The following RBMS3 variants were observed in gnomAD, a reference collection of about 807,000 sequenced individuals.
The protein encoded by RBMS3 is RNA-binding motif, single-stranded-interacting protein 3.
A neutral mutation model predicts 66.8 loss-of-function variants in RBMS3; 27 were observed. The ratio of observed to expected loss-of-function variants is 0.40; its 90% CI spans 0.30 to 0.56. RBMS3 has a LOEUF of 0.56. Ranked by LOEUF, RBMS3 falls within the 20% of genes least tolerant of loss-of-function variation. RBMS3 has a pLI of 0.40. For missense variants in RBMS3, 513 were observed against 549.5 expected (o/e 0.93, Z 0.66); for synonymous variants, 188 against 183.0 (o/e 1.03, Z -0.22).
At chr3:29,694,657 T>C (rs1427310378) in intron 4 of RBMS3, among the ~76,000 whole-genome samples, 2 of 152,152 alleles carry the variant, frequency 1.3e-5, no homozygotes, top group South Asian at 2.1e-4. Context: ...TCTGAATTTC[T>C]AGGTATTTCA....
intron 4 of RBMS3, among the ~76,000 whole-genome samples, chr3:29,736,685 T>G (rs1345303602): frequency 6.6e-6 from 1 of 152,184 alleles, no homozygotes; most frequent in Non-Finnish European, 1.5e-5. Context: ...CTTGTATAAC[T>G]TGAGTAGTTC....
At chr3:29,281,803 A>C (rs1333926296) in intron 1 of RBMS3, 47 bp downstream of exon 1, 2 of 1,495,474 alleles carry the variant, frequency 1.3e-6, no homozygotes, top group South Asian at 1.2e-5. Context: ...ATCGTTCTGC[A>C]CTTGGGATGG....
intron 4 of RBMS3, among the ~76,000 whole-genome samples, chr3:29,661,344 C>A (rs1455842537): frequency 6.6e-6 from 1 of 152,122 alleles, no homozygotes; most frequent in Non-Finnish European, 1.5e-5. Flanking sequence ...TGTTGCCTAC[C>A]ATTTTGGCAT....
At chr3:29,649,608 C>A (rs1224657607) in intron 4 of RBMS3, among the ~76,000 whole-genome samples, 1 of 152,058 alleles carries the variant, frequency 6.6e-6, no homozygotes, top group South Asian at 2.1e-4. Context: ...GCATAATGAA[C>A]CTTCTAGGCA....
chr3:29,781,862 G>A (rs1270411778), intron 6 of RBMS3, among the ~76,000 whole-genome samples: 3 of 151,978 alleles, frequency 2.0e-5, no homozygotes, highest in South Asian at 2.1e-4. Context: ...TGTGACTACC[G>A]GCTTTCCCCC....
At chr3:29,981,261 A>AT (rs1468982232) in intron 12 of RBMS3, among the ~76,000 whole-genome samples, 1 of 152,064 alleles carries the variant, frequency 6.6e-6, no homozygotes, top group Non-Finnish European at 1.5e-5. Context: ...AATGCTTGTG[A>AT]TTTTTTCACA....
At chr3:29,516,096 G>A (rs1055620153) in intron 3 of RBMS3, among the ~76,000 whole-genome samples, 1 of 152,154 alleles carries the variant, frequency 6.6e-6, no homozygotes, top group African/African-American at 2.4e-5. Context: ...AGGAAGACAT[G>A]GGGACCAATA....
intron 1 of RBMS3, among the ~76,000 whole-genome samples, chr3:29,376,775 G>A (rs137911417): frequency 0.016 from 2,466 of 152,244 alleles, 28 homozygotes; most frequent in Middle Eastern, 0.031. Context: ...GCGTGGTGGC[G>A]GGCGCCTGTA....
intron 12 of RBMS3, among the ~76,000 whole-genome samples, chr3:29,976,759 G>A (rs1697615789): frequency 6.7e-6 from 1 of 150,220 alleles, no homozygotes; most frequent in Non-Finnish European, 1.5e-5. Flanking sequence ...CATGTGAAAT[G>A]GTATCAATTT....
intron 3 of RBMS3, among the ~76,000 whole-genome samples, chr3:29,567,410 GCTTA>G: frequency 6.6e-6 from 1 of 152,236 alleles, no homozygotes; most frequent in African/African-American, 2.4e-5. Context: ...TCACACTCAT[GCTTA>G]CTTACTGATT....
At chr3:29,997,044 G>A (rs1699292168) in intron 14 of RBMS3, among the ~76,000 whole-genome samples, 1 of 147,492 alleles carries the variant, frequency 6.8e-6, no homozygotes, top group African/African-American at 2.6e-5. Context: ...GAAAAAAAGA[G>A]AGAAGAATCA....
chr3:29,599,757 CAGAAA>C (rs544372042), intron 4 of RBMS3, among the ~76,000 whole-genome samples: 107 of 152,148 alleles, frequency 7.0e-4, no homozygotes, highest in African/African-American at 2.3e-3. Flanking sequence ...GGTTAAAACT[CAGAAA>C]AGGATAGAAT....
intron 14 of RBMS3, among the ~76,000 whole-genome samples, chr3:30,000,688 A>C (rs182779719): frequency 1.6e-4 from 24 of 152,272 alleles, no homozygotes; most frequent in African/African-American, 5.8e-4. Context: ...GCATATATAC[A>C]CCATGGAATA....
At position 29,666,021 on chromosome 3, in the gene RBMS3, A is replaced by G. The variant is rs4680839; in HGVS notation, c.400-73699A>G. Among the ~76,000 whole-genome samples the G allele has an allele frequency of 7.1e-3, 1,077 of 152,176 alleles. 40 individuals carry two copies. Among genetic ancestry groups the G allele is most frequent in the Admixed American group, 0.063 (969 of 15,280 alleles). ...CTCACCTTCTTGCTTCCTCTGTTCAATTCACTAGGGTTCTCTGCTGTCTGA... is the reference window on the plus strand; with the variant it reads ...CTCACCTTCTTGCTTCCTCTGTTCAGTTCACTAGGGTTCTCTGCTGTCTGA... On this transcript the variant is annotated intron_variant, in intron 4 of 14. Transcript: ENST00000383767.
At chr3:29,625,700 G>GTACATAAA (rs60565256) in intron 4 of RBMS3, among the ~76,000 whole-genome samples, 13 of 139,996 alleles carry the variant, frequency 9.3e-5, no homozygotes, top group East Asian at 6.9e-4. Flanking sequence ...CGCCATTAAA[G>GTACATAAA]TAAATAAATA....
At chr3:29,473,436 G>C (rs1256130578) in intron 2 of RBMS3, among the ~76,000 whole-genome samples, 1 of 152,238 alleles carries the variant, frequency 6.6e-6, no homozygotes, top group Non-Finnish European at 1.5e-5. Flanking sequence ...AGCCCAGCTG[G>C]CTTCACCCAG....
chr3:29,656,858 G>A (rs1272835799), intron 4 of RBMS3, among the ~76,000 whole-genome samples: 1 of 152,138 alleles, frequency 6.6e-6, no homozygotes, highest in Non-Finnish European at 1.5e-5. Context: ...CATATCATTA[G>A]ATTAACCCAA....
At chr3:29,659,497 G>A (rs191584627) in intron 4 of RBMS3, among the ~76,000 whole-genome samples, 14 of 152,044 alleles carry the variant, frequency 9.2e-5, no homozygotes, top group Middle Eastern at 3.4e-3. Context: ...ATCTTTTGTC[G>A]CTAATTTCAT....
At chr3:29,670,013 T>C (rs1001330171) in intron 4 of RBMS3, among the ~76,000 whole-genome samples, 2 of 152,222 alleles carry the variant, frequency 1.3e-5, no homozygotes, top group Non-Finnish European at 2.9e-5. Flanking sequence ...TGTTTTTGTT[T>C]ATTAGCTTCT....
Sources: gnomAD v4.1 joint callset for allele counts (sites outside exome capture counted in the v4.1 genomes callset) on GRCh38, gnomAD v4.1.1 for gene constraint, MANE v1.5 for transcripts, NCBI Gene and HGNC (gene_info 2026-07-23, HGNC 2026-07-21) for gene names.